GRIA4: variants seen among roughly 807,000 people sequenced by gnomAD.
GRIA4 encodes the protein glutamate receptor 4.
GRIA4 carries 34 observed loss-of-function variants against 104.0 expected under a neutral mutation model. The observed-to-expected ratio is 0.33, with a 90% CI of 0.25 to 0.44. The LOEUF is 0.44. Ranked by LOEUF, GRIA4 falls within the 20% of genes least tolerant of loss-of-function variation. The probability of loss-of-function intolerance (pLI) is 1.00; values close to 1 mark genes in which losing one functional copy is unlikely to be tolerated. For synonymous variants in GRIA4, 386 were observed against 381.9 expected, an observed-to-expected ratio of 1.01 and a Z score of -0.13; for missense variants, 750 against 1,096.5, an observed-to-expected ratio of 0.68 and a Z score of 4.46.
rs1278602461 is a variant in GRIA4 at position 105,862,069 on chromosome 11, G to A, written c.533G>A (p.Gly178Asp). The change falls in exon 5 of 17, where the codon GGT (glycine) becomes GAT (aspartate). Residue 178 changes from glycine (G) to aspartate (D), a missense_variant. Gly to Asp is a moderately conservative substitution (Grantham distance 94). Around this residue, in one of 3 missense-constraint regions of GRIA4, gnomAD observed 410 missense variants for 502.7 expected, o/e 0.82. Transcript: ENST00000282499. ...QAIMEKAGQN[G>D]WHVSAICVEN... ...ATTATGGAAAAAGCAGGACAAAATG[G>A]TTGGCATGTCAGCGCTATATGTGTG... The A allele has an allele frequency of 6.2e-7, 1 of 1,612,724 alleles. No homozygotes were observed. The highest frequency in any genetic ancestry group is 2.2e-5 in the East Asian group (1 of 44,822).
chr11:105,640,688 C>G (rs1299841901), intron 3 of GRIA4, among the ~76,000 whole-genome samples: 1 of 151,810 alleles, frequency 6.6e-6, no homozygotes, highest in Admixed American at 6.6e-5. Context: ...TAATATATTT[C>G]TATTTTAAAG....
At chr11:105,664,249 C>T (rs1952097870) in intron 3 of GRIA4, among the ~76,000 whole-genome samples, 2 of 149,470 alleles carry the variant, frequency 1.3e-5, no homozygotes, top group Admixed American at 6.8e-5. Context: ...AATGACGGGG[C>T]ACTGGATAAG....
At chr11:105,893,413 A>G (rs1443606924) in intron 6 of GRIA4, among the ~76,000 whole-genome samples, 1 of 152,212 alleles carries the variant, frequency 6.6e-6, no homozygotes, top group Non-Finnish European at 1.5e-5. Flanking sequence ...TGAAAGAAAT[A>G]TATGAAAGAA....
chr11:105,837,475 G>A (rs1216578401), intron 4 of GRIA4, among the ~76,000 whole-genome samples: 2 of 152,140 alleles, frequency 1.3e-5, no homozygotes, highest in African/African-American at 4.8e-5. Flanking sequence ...GGAGCACAGT[G>A]TAGATTTAAG....
At chr11:105,911,988 A>G in intron 10 of GRIA4, 1 of 1,434,220 alleles carries the variant, frequency 7.0e-7, no homozygotes, top group Non-Finnish European at 9.3e-7. Context: ...AGTAAATTTA[A>G]GCTTATTTTT....
intron 4 of GRIA4, among the ~76,000 whole-genome samples, chr11:105,821,316 T>C (rs1216638634): frequency 6.6e-6 from 1 of 152,052 alleles, no homozygotes; most frequent in Admixed American, 6.6e-5. Context: ...TCTGAAGAAA[T>C]TGTAGGAGGG....
chr11:105,671,505 C>T (rs1036096317), intron 3 of GRIA4, among the ~76,000 whole-genome samples: 2 of 150,774 alleles, frequency 1.3e-5, no homozygotes, highest in Admixed American at 6.6e-5. Flanking sequence ...GGTGAAATCC[C>T]GTCTCTACTA....
At chr11:105,699,463 T>A (rs1241451538) in intron 3 of GRIA4, among the ~76,000 whole-genome samples, 4 of 152,184 alleles carry the variant, frequency 2.6e-5, no homozygotes, top group African/African-American at 9.6e-5. Context: ...GCAACATTGA[T>A]GTCATTTGTT....
At chr11:105,759,701 C>T (rs1940511273) in intron 4 of GRIA4, among the ~76,000 whole-genome samples, 1 of 152,102 alleles carries the variant, frequency 6.6e-6, no homozygotes, top group East Asian at 1.9e-4. Flanking sequence ...TTGCAAATGT[C>T]ATTCCTTCAG....
intron 4 of GRIA4, among the ~76,000 whole-genome samples, chr11:105,803,213 T>G (rs11226853): frequency 2.6e-5 from 4 of 151,902 alleles, no homozygotes; most frequent in Non-Finnish European, 5.9e-5. Flanking sequence ...TCATTTACCA[T>G]TTCTTAGACT....
At chr11:105,798,147 C>A (rs552930967) in intron 4 of GRIA4, among the ~76,000 whole-genome samples, 2 of 152,066 alleles carry the variant, frequency 1.3e-5, no homozygotes, top group South Asian at 4.1e-4. Flanking sequence ...AGCCATGAAG[C>A]TTACATTCAA....
At chr11:105,748,950 T>A (rs1364393042) in intron 3 of GRIA4, among the ~76,000 whole-genome samples, 1 of 152,098 alleles carries the variant, frequency 6.6e-6, no homozygotes, top group Non-Finnish European at 1.5e-5. Context: ...AGAACATAGA[T>A]GGTAATTAAA....
chr11:105,626,779 A>T (rs1950897377), intron 3 of GRIA4, among the ~76,000 whole-genome samples: 2 of 152,064 alleles, frequency 1.3e-5, no homozygotes, highest in South Asian at 4.1e-4. Flanking sequence ...ATATGCTTTT[A>T]TTTTTATTAT....
At chr11:105,809,349 A>G (rs983876029) in intron 4 of GRIA4, among the ~76,000 whole-genome samples, 2 of 152,258 alleles carry the variant, frequency 1.3e-5, no homozygotes, top group Middle Eastern at 3.4e-3. Flanking sequence ...CTTATCATTT[A>G]TTTGTGTTGG....
At chr11:105,911,895 T>G (rs1025340862) in intron 10 of GRIA4, 6 of 1,561,796 alleles carry the variant, frequency 3.8e-6, no homozygotes, top group African/African-American at 1.4e-5. Context: ...AAGAATCCTA[T>G]TTTAAGAAAT....
Position 105,918,595 on chromosome 11 carries a change from A to C in GRIA4, c.1270-117A>C, listed in dbSNP as rs1345116909. 3 of 602,938 alleles carry C rather than the reference A, an allele frequency of 5.0e-6. No homozygotes were observed. In the African/African-American group the frequency reaches 5.6e-5, roughly 11 times the overall value. The allele number at this position is 602,938 out of a possible 1,614,324, so 37.3% of individuals were successfully genotyped here. A position where few individuals can be genotyped will look rare whatever the true frequency, so the allele number is the denominator to read the frequency against. ...TATTGACTTCTAGCTACACCAAATC[A>C]GTATGTGTACCAATACTAAATACAA... On this transcript the variant is annotated intron_variant, in intron 10 of 16. Transcript: ENST00000282499.
At position 105,685,280 on chromosome 11, in the gene GRIA4, C is replaced by A. The variant is rs1445607; in HGVS notation, c.248-67701C>A. Among the ~76,000 whole-genome samples the A allele has an allele frequency of 3.3e-5, 5 of 151,890 alleles. No individual in the cohort carries two copies. The South Asian group carries it at 1.0e-3, about 31-fold the overall frequency. On this transcript the variant is annotated intron_variant, in intron 3 of 16. Transcript: ENST00000282499. ...TATGCTCACCAGCTGCAGCCTATGTCTCTTAAGAAATGGATGACACTTCAC... is the reference window on the plus strand; with the variant it reads ...TATGCTCACCAGCTGCAGCCTATGTATCTTAAGAAATGGATGACACTTCAC...
intron 5 of GRIA4, among the ~76,000 whole-genome samples, chr11:105,874,411 G>A (rs935328990): frequency 2.0e-5 from 3 of 151,848 alleles, no homozygotes; most frequent in African/African-American, 4.8e-5. Flanking sequence ...CTCTTTTTTC[G>A]GTTCCATATG....
intron 5 of GRIA4, among the ~76,000 whole-genome samples, chr11:105,863,688 CACGAT>C (rs1318498473): frequency 6.6e-6 from 1 of 152,102 alleles, no homozygotes; most frequent in African/African-American, 2.4e-5. Context: ...GTAAATAACT[CACGAT>C]GAATCCCACA....
Sources: allele counts gnomAD v4.1 joint callset (sites outside exome capture counted in the v4.1 genomes callset), GRCh38; gene constraint gnomAD v4.1.1; regional missense constraint gnomAD v4.1.1; transcripts MANE v1.5; gene names NCBI Gene and HGNC (gene_info 2026-07-23, HGNC 2026-07-21).